Variants in HTR3B observed in about 807,000 individuals in gnomAD.
The protein encoded by HTR3B is 5-hydroxytryptamine receptor 3B, also known as 5-hydroxytryptamine (serotonin) receptor 3B, ionotropic.
Under a neutral mutation model 42.8 loss-of-function variants are expected in HTR3B, and 44 were observed. The ratio of observed to expected loss-of-function variants is 1.03; its 90% CI spans 0.81 to 1.32. The LOEUF (loss-of-function observed/expected upper bound fraction) is 1.32. Ranked by LOEUF, HTR3B falls within the 40% of genes most tolerant of loss-of-function variation. HTR3B has a pLI of 0.00. For synonymous variants in HTR3B, 203 were observed against 209.0 expected (o/e 0.97, Z 0.25); for missense variants, 527 against 536.5 (o/e 0.98, Z 0.17).
chr11:113,909,518 G>A, intron 2 of HTR3B, 63 bp downstream of exon 2: 4 of 1,375,540 alleles, frequency 2.9e-6, no homozygotes, highest in Non-Finnish European at 4.1e-6. Context: ...TGCAGTTCAT[G>A]CAGGAGCCTA....
chr11:113,934,472 A>T (rs1037623375), intron 6 of HTR3B, among the ~76,000 whole-genome samples: 1 of 152,014 alleles, frequency 6.6e-6, no homozygotes, highest in Non-Finnish European at 1.5e-5. Flanking sequence ...AAAGAAAGAA[A>T]AAAGAAAGAA....
At chr11:113,905,105 T>G in intron 1 of HTR3B, 120 bp downstream of exon 1, 1 of 697,554 alleles carries the variant, frequency 1.4e-6, no homozygotes, top group East Asian at 2.7e-5. Flanking sequence ...TCATCGTCTG[T>G]AAAATGCCAG....
At chr11:113,916,324 G>T (rs1296307360) in intron 2 of HTR3B, among the ~76,000 whole-genome samples, 1 of 152,112 alleles carries the variant, frequency 6.6e-6, no homozygotes, top group Non-Finnish European at 1.5e-5. Context: ...AAGTTGGGCT[G>T]TTTATTATTT....
At chr11:113,911,862 TC>T (rs1949798077) in intron 2 of HTR3B, among the ~76,000 whole-genome samples, 1 of 152,090 alleles carries the variant, frequency 6.6e-6, no homozygotes, top group Non-Finnish European at 1.5e-5. Context: ...ATATCAAAGA[TC>T]CCCGAAAAGG....
chr11:113,905,394 C>A (rs1949727150), intron 1 of HTR3B, among the ~76,000 whole-genome samples: 1 of 152,092 alleles, frequency 6.6e-6, no homozygotes, highest in Non-Finnish European at 1.5e-5. Context: ...CAGCTGTTAG[C>A]AGCCCAGAGA....
chr11:113,903,393 A>T (rs1206777161), upstream of HTR3B, among the ~76,000 whole-genome samples: 7 of 151,802 alleles, frequency 4.6e-5, no homozygotes, highest in Non-Finnish European at 1.0e-4. Flanking sequence ...ACATGTGCAA[A>T]CACACATTAC....
chr11:113,917,872 TG>T (rs1949872347), intron 2 of HTR3B, among the ~76,000 whole-genome samples: 1 of 152,182 alleles, frequency 6.6e-6, no homozygotes, highest in South Asian at 2.1e-4. Context: ...CCCAAAGTGC[TG>T]GTATTACAGG....
rs1174423677 is a variant in HTR3B, at chr11:113,943,136, T to A, written c.851T>A (p.Phe284Tyr). The A allele has an allele frequency of 5.0e-6, 8 of 1,613,988 alleles. No individual in the cohort carries two copies. The highest frequency in any genetic ancestry group is 6.8e-6 in the Non-Finnish European group (8 of 1,180,034). ...AGTGTGCTGGTGGGCTACACCGTCT[T>A]CAGGGTCAACATGTCCAACCAGGTG... Reference protein sequence around the residue: ...KTSVLVGYTVFRVNMSNQVPR... With the variant: ...KTSVLVGYTVYRVNMSNQVPR... The change falls in exon 7 of 9, where the codon TTC becomes TAC. Residue 284 changes from phenylalanine (F) to tyrosine (Y), a missense_variant. By Grantham distance (22) the Phe-to-Tyr change is conservative. Coordinates refer to ENST00000260191, the MANE Select transcript of HTR3B (RefSeq NM_006028.5).
At chr11:113,910,442 C>CTTTTT (rs34377344) in intron 2 of HTR3B, among the ~76,000 whole-genome samples, 2 of 136,272 alleles carry the variant, frequency 1.5e-5, no homozygotes, top group Non-Finnish European at 3.1e-5. Flanking sequence ...ATTTCTCTCT[C>CTTTTT]TTTTTTTTTT....
At chr11:113,924,689 C>CT (rs941967434) in intron 2 of HTR3B, among the ~76,000 whole-genome samples, 1 of 146,354 alleles carries the variant, frequency 6.8e-6, no homozygotes, top group Non-Finnish European at 1.5e-5. Context: ...CTCATTAGAG[C>CT]TTTTTTTTCA....
At position 113,936,167 on chromosome 11, in the gene HTR3B, G is replaced by A. The variant is rs1950090559; in HGVS notation, c.696+3074G>A. Reference sequence around the variant, plus strand: ...GGTTCCCAGAAACAGCAGGGTGAGAGCATTTGATTTTGCATGGCAGTGGTT... The same window carrying A: ...GGTTCCCAGAAACAGCAGGGTGAGAACATTTGATTTTGCATGGCAGTGGTT... On this transcript the variant is annotated intron_variant, in intron 6 of 8. Coordinates refer to ENST00000260191, the MANE Select transcript of HTR3B (RefSeq NM_006028.5). 2.0e-5 allele frequency among the ~76,000 whole-genome samples: 3 copies of A among 152,112 alleles called. No individual in the cohort carries two copies. The South Asian group carries it at 6.2e-4, about 32-fold the overall frequency.
At chr11:113,910,394 CA>C (rs1331051383) in intron 2 of HTR3B, among the ~76,000 whole-genome samples, 1 of 151,708 alleles carries the variant, frequency 6.6e-6, no homozygotes, top group African/African-American at 2.4e-5. Flanking sequence ...TTTCTAATTA[CA>C]AAGTCTTTGA....
intron 5 of HTR3B, 39 bp from the exon 6 acceptor site, chr11:113,932,897 T>C (rs564093906): frequency 2.5e-6 from 4 of 1,600,848 alleles, no homozygotes; most frequent in East Asian, 2.2e-5. Flanking sequence ...TTGGCATCTC[T>C]TTCTCTCTGG....
chr11:113,946,328 A>AGTTG lies in HTR3B; in HGVS notation c.*191_*192insGTTG, dbSNP rs1212164501. 5 of 484,314 alleles carry AGTTG rather than the reference A, an allele frequency of 1.0e-5. No homozygotes were observed. The highest frequency in any genetic ancestry group is 6.9e-5 in the Admixed American group (2 of 29,130). 30.0% of individuals were successfully genotyped at this position (484,314 alleles called of 1,614,324 possible). On this transcript the variant is annotated 3_prime_UTR_variant, in exon 9 of 9. Transcript: ENST00000260191. ...CCAGCCAGAGCAACATAGTGAGACC[A>AGTTG]CATCTCTACCAGTAAATAAATAAAT...
At chr11:113,941,403 G>C (rs915335964) in intron 6 of HTR3B, among the ~76,000 whole-genome samples, 7 of 152,174 alleles carry the variant, frequency 4.6e-5, no homozygotes, top group African/African-American at 1.7e-4. Flanking sequence ...AATGGAGTGT[G>C]TGCTTATTAA....
chr11:113,913,324 C>T (rs1949815142), intron 2 of HTR3B, among the ~76,000 whole-genome samples: 1 of 139,534 alleles, frequency 7.2e-6, no homozygotes, highest in South Asian at 2.3e-4. Flanking sequence ...ACTGGGATTA[C>T]AGGTGCCTGC....
At position 113,945,888 on chromosome 11, in the gene HTR3B, C is replaced by T. The variant is rs1224202122; in HGVS notation, c.1091-14C>T. On this transcript the variant is annotated splice_polypyrimidine_tract_variant and intron_variant, in intron 8 of 8. Coordinates refer to ENST00000260191, the MANE Select transcript of HTR3B (RefSeq NM_006028.5). ...GTCCCTGGCTCACCCAGGGTGTTTTCCTCCATCACACAGAGTCCTCGCTGT... is the reference window on the plus strand; with the variant it reads ...GTCCCTGGCTCACCCAGGGTGTTTTTCTCCATCACACAGAGTCCTCGCTGT... The T allele has an allele frequency of 1.9e-6, 3 of 1,598,662 alleles. No individual in the cohort carries two copies. In the East Asian group the frequency reaches 6.7e-5, roughly 36 times the overall value.
rs1950190210 is a variant in HTR3B, at chr11:113,947,690, C to G, written c.*1553C>G. 1.3e-5 allele frequency among the ~76,000 whole-genome samples: 2 copies of G among 152,136 alleles called. No individual in the cohort carries two copies. The highest frequency in any genetic ancestry group is 1.3e-4 in the Admixed American group (2 of 15,270). ...GTCCATCCTAGTGACCTCTTTTAAC[C>G]TTAATCACTTTTTTCAAGGCCCTAT... On this transcript the variant is annotated 3_prime_UTR_variant, in exon 9 of 9. Transcript: ENST00000260191.
chr11:113,913,963 C>T (rs1332297829), intron 2 of HTR3B, among the ~76,000 whole-genome samples: 1 of 152,132 alleles, frequency 6.6e-6, no homozygotes, highest in South Asian at 2.1e-4. Context: ...CTCCTCCATG[C>T]TACGATGCAG....
Sources: allele counts gnomAD v4.1 joint callset (sites outside exome capture counted in the v4.1 genomes callset), GRCh38; gene constraint gnomAD v4.1.1; transcripts MANE v1.5; gene names NCBI Gene and HGNC (gene_info 2026-07-23, HGNC 2026-07-21).